Variants in PDE1C observed in about 807,000 individuals in gnomAD.
PDE1C encodes phosphodiesterase 1C.
In PDE1C, 62 loss-of-function variants were observed where a neutral mutation model predicts 93.1. The ratio of observed to expected loss-of-function variants is 0.67; its 90% CI spans 0.54 to 0.82. The LOEUF (loss-of-function observed/expected upper bound fraction) is 0.82, where lower values mean the gene tolerates loss of function less well. PDE1C is among the 40% of genes least tolerant of loss of function. The pLI is 0.00. For missense variants in PDE1C, 742 were observed against 884.6 expected (o/e 0.84, Z 2.04); for synonymous variants, 325 against 310.1 (o/e 1.05, Z -0.50).
At position 31,753,558 on chromosome 7, in the gene PDE1C, C is replaced by G; in HGVS notation, c.1961-5G>C. The G allele has an allele frequency of 6.2e-7, 1 of 1,605,662 alleles. No homozygotes were observed. The highest frequency in any genetic ancestry group is 8.5e-7 in the Non-Finnish European group (1 of 1,176,318). Reference sequence around the variant, plus strand: ...GACGCAAAGGAGGCTTGATGACTGGCGGCCATGGAAAGGAAGACAGACAAC... The same window carrying G: ...GACGCAAAGGAGGCTTGATGACTGGGGGCCATGGAAAGGAAGACAGACAAC... On this transcript the variant is annotated splice_polypyrimidine_tract_variant and splice_region_variant and intron_variant, in intron 17 of 17. Transcript: ENST00000396191.
intron 1 of PDE1C, among the ~76,000 whole-genome samples, chr7:32,059,935 G>A (rs1794606155): frequency 6.6e-6 from 1 of 152,200 alleles, no homozygotes; most frequent in African/African-American, 2.4e-5. Context: ...AAAACTGTGT[G>A]GGTGGGAATG....
rs1422255583 is a variant in PDE1C at position 31,837,874 on chromosome 7, C to G, written c.1078G>C (p.Glu360Gln). ...KAMKTALQQP[E>Q]AIEKPKALSL... ...ACAAGCCACAAGCACACTTACGCTT[C>G]TGGCTGCTGCAGAGCAGTCTTCATT... Residue 360 changes from glutamate to glutamine, a missense_variant, in exon 10 of 18, where the codon GAA becomes CAA. Transcript: ENST00000396191. 1 of 1,607,812 alleles carries G rather than the reference C, an allele frequency of 6.2e-7. No individual in the cohort carries two copies. Among genetic ancestry groups the G allele is most frequent in the Non-Finnish European group, 8.5e-7 (1 of 1,174,340 alleles).
At chr7:32,109,312 A>T (rs1798517624) in intron 3 of PDE1C, among the ~76,000 whole-genome samples, 2 of 152,148 alleles carry the variant, frequency 1.3e-5, no homozygotes, top group Admixed American at 6.5e-5. Context: ...TCACAGAGAG[A>T]TGGATTTATA....
At chr7:32,297,991 CTCTCT>C (rs1812705585) in intron 1 of PDE1C, among the ~76,000 whole-genome samples, 1 of 40,594 alleles carries the variant, frequency 2.5e-5, no homozygotes, top group African/African-American at 9.2e-5. Context: ...CTCTCTCTCT[CTCTCT>C]CCTCTCTCTC....
chr7:31,854,585 G>T (rs1395707802), intron 7 of PDE1C, among the ~76,000 whole-genome samples: 2 of 152,120 alleles, frequency 1.3e-5, no homozygotes, highest in Non-Finnish European at 2.9e-5. Flanking sequence ...CGCATATAGG[G>T]GCAGATGAGG....
chr7:31,642,318 C>T, the PDE1C span: 1 of 1,167,534 alleles, frequency 8.6e-7, no homozygotes, highest in Admixed American at 2.6e-5. Context: ...TCAGCCCTAT[C>T]AACCAGGCTG....
At chr7:31,844,411 C>T (rs1792289334) in intron 9 of PDE1C, among the ~76,000 whole-genome samples, 1 of 151,572 alleles carries the variant, frequency 6.6e-6, no homozygotes, top group Non-Finnish European at 1.5e-5. Flanking sequence ...TCTTGAAGTT[C>T]ATGTTCACAG....
the PDE1C span, among the ~76,000 whole-genome samples, chr7:31,646,625 G>A: frequency 1.3e-5 from 2 of 152,180 alleles, no homozygotes; most frequent in East Asian, 3.9e-4. Flanking sequence ...TTGGGCATGA[G>A]TAGCCCCAGC....
intron 3 of PDE1C, among the ~76,000 whole-genome samples, chr7:32,090,017 A>G (rs1797378347): frequency 6.6e-6 from 1 of 152,128 alleles, no homozygotes; most frequent in Non-Finnish European, 1.5e-5. Context: ...CCTTTTATCT[A>G]GTTTTTATTT....
intron 3 of PDE1C, among the ~76,000 whole-genome samples, chr7:32,161,755 GAA>G (rs1801938006): frequency 6.6e-6 from 1 of 152,182 alleles, no homozygotes; most frequent in Non-Finnish European, 1.5e-5. Context: ...GGAAGCTCCA[GAA>G]AGAGTGTCCC....
chr7:32,150,924 G>C (rs770715189), intron 3 of PDE1C, among the ~76,000 whole-genome samples: 18 of 152,004 alleles, frequency 1.2e-4, no homozygotes, highest in Non-Finnish European at 2.4e-4. Flanking sequence ...CTATACCTGA[G>C]AACTAATGCT....
chr7:32,417,658 A>G (rs1785302217), intron 1 of PDE1C, among the ~76,000 whole-genome samples: 1 of 145,966 alleles, frequency 6.9e-6, no homozygotes, highest in South Asian at 2.2e-4. Flanking sequence ...TGGTACTATA[A>G]TCCCAATTTA....
chr7:31,779,697 G>A (rs528496109), intron 16 of PDE1C, among the ~76,000 whole-genome samples: 10 of 152,210 alleles, frequency 6.6e-5, no homozygotes, highest in African/African-American at 2.2e-4. Context: ...TTTTGCCACG[G>A]GCCATTGGCG....
At chr7:31,966,615 G>T (rs570845080) in intron 2 of PDE1C, among the ~76,000 whole-genome samples, 2 of 152,166 alleles carry the variant, frequency 1.3e-5, no homozygotes, top group African/African-American at 2.4e-5. Context: ...AGACCTAATA[G>T]ACATCTACAG....
intron 1 of PDE1C, among the ~76,000 whole-genome samples, chr7:32,229,415 G>A (rs1807525725): frequency 6.6e-6 from 1 of 152,170 alleles, no homozygotes; most frequent in Admixed American, 6.5e-5. Context: ...TTCAGTAGGG[G>A]CACCTTTTCC....
At chr7:32,152,862 CTATAAT>C (rs1400411851) in intron 3 of PDE1C, among the ~76,000 whole-genome samples, 2 of 152,080 alleles carry the variant, frequency 1.3e-5, no homozygotes, top group African/African-American at 2.4e-5. Context: ...TGTAGCCACA[CTATAAT>C]TATAACTATG....
chr7:31,981,239 C>T (rs1272661836), intron 2 of PDE1C, among the ~76,000 whole-genome samples: 2 of 152,012 alleles, frequency 1.3e-5, no homozygotes, highest in African/African-American at 2.4e-5. Flanking sequence ...ATAATATTAC[C>T]TATATAAATC....
chr7:31,656,304 C>T, the PDE1C span: 1 of 184,736 alleles, frequency 5.4e-6, no homozygotes. Flanking sequence ...CATGTGTGAC[C>T]TCGGGCACTT....
chr7:31,921,757 T>C (rs1802650793), intron 2 of PDE1C, among the ~76,000 whole-genome samples: 1 of 152,242 alleles, frequency 6.6e-6, no homozygotes. Context: ...TATTTTTAAA[T>C]AAAATTGCTT....
Sources: allele counts gnomAD v4.1 joint callset (sites outside exome capture counted in the v4.1 genomes callset), GRCh38; gene constraint gnomAD v4.1.1; transcripts MANE v1.5; gene names NCBI Gene and HGNC (gene_info 2026-07-23, HGNC 2026-07-21).